The following SNHG17 variants were observed in gnomAD, a reference collection of about 807,000 sequenced individuals.
The protein encoded by SNHG17 is small nucleolar RNA host gene 17 (non-protein coding).
intron 5 of SNHG17, among the ~76,000 whole-genome samples, chr20:38,424,050 T>C (rs548564450): frequency 1.1e-4 from 16 of 152,026 alleles, no homozygotes; most frequent in African/African-American, 3.9e-4. Context: ...TGCACATCTT[T>C]AATCCCAGCT....
Position 38,426,887 on chromosome 20 carries a change from A to C in SNHG17, n.381-384T>G, listed in dbSNP as rs1478001936. 1.3e-5 allele frequency among the ~76,000 whole-genome samples: 2 copies of C among 150,352 alleles called. 1 individual carries two copies. The highest frequency in any genetic ancestry group is 1.3e-4 in the Admixed American group (2 of 15,004). On this transcript the variant is annotated intron_variant and non_coding_transcript_variant, in intron 3 of 8. Coordinates refer to ENST00000654008, the Ensembl canonical transcript of SNHG17. ...AACCCGGCTGTGCTCCCCTTGCAGC[A>C]ATGAGCACTTTCTCTTTCTTACGAC...
intron 5 of SNHG17, among the ~76,000 whole-genome samples, chr20:38,425,537 C>T (rs2084232113): frequency 6.6e-6 from 1 of 152,170 alleles, no homozygotes. Flanking sequence ...CATGTTAAGC[C>T]AGATTGCTGG....
At chr20:38,423,285 T>C (rs752725551) in intron 5 of SNHG17, among the ~76,000 whole-genome samples, 30 of 150,514 alleles carry the variant, frequency 2.0e-4, no homozygotes, top group Admixed American at 4.0e-4. Flanking sequence ...CAGTCCCAGC[T>C]ACTCAGGGAA....
intron 2 of SNHG17, among the ~76,000 whole-genome samples, chr20:38,431,520 CA>C (rs1197145345): frequency 6.6e-6 from 1 of 152,202 alleles, no homozygotes; most frequent in East Asian, 1.9e-4. Flanking sequence ...TCTTGTCCCA[CA>C]TAAACGGAAC....
chr20:38,435,303 A>AGGACGGCGAG (rs1231059417), exon 1 of SNHG17: 9 of 1,231,420 alleles, frequency 7.3e-6, no homozygotes, highest in African/African-American at 6.2e-5. Flanking sequence ...GCGATGGCGA[A>AGGACGGCGAG]GGACGGCGAG....
chr20:38,433,073 A>T (rs2084363745), intron 2 of SNHG17, among the ~76,000 whole-genome samples: 1 of 152,082 alleles, frequency 6.6e-6, no homozygotes, highest in Admixed American at 6.5e-5. Context: ...CCCAGGTTCA[A>T]GCGATTCTGG....
At chr20:38,435,220 G>A (rs919783697) in exon 1 of SNHG17, 4 of 1,232,002 alleles carry the variant, frequency 3.2e-6, no homozygotes, top group Non-Finnish European at 3.0e-6. Flanking sequence ...GTCGAGTGGC[G>A]GCGGAGACCT....
chr20:38,425,222 A>C (rs563747895), intron 5 of SNHG17: 2 of 519,174 alleles, frequency 3.9e-6, no homozygotes, highest in South Asian at 2.8e-5. Flanking sequence ...AGAGTTTGGA[A>C]GGGATAGGAG....
chr20:38,428,269 CAGA>C (rs1291835613), intron 3 of SNHG17: 1 of 152,364 alleles, frequency 6.6e-6, no homozygotes, highest in Admixed American at 6.5e-5. Context: ...CCTGAAGGCA[CAGA>C]AGGAGGGGCC....
chr20:38,424,698 G>T (rs1048394772), intron 5 of SNHG17, among the ~76,000 whole-genome samples: 1 of 152,206 alleles, frequency 6.6e-6, no homozygotes, highest in Non-Finnish European at 1.5e-5. Flanking sequence ...CCAGTGCTGA[G>T]AGGTGGGAAG....
chr20:38,424,678 G>A lies in SNHG17; in HGVS notation n.579+1257C>T, dbSNP rs148298455. On this transcript the variant is annotated intron_variant and non_coding_transcript_variant, in intron 5 of 8. Coordinates refer to ENST00000654008, the Ensembl canonical transcript of SNHG17. ...AGGAGAAGCAAACCAACAATTCCCA[G>A]ACAGTGTGACCAGTGCTGAGAGGTG... is the stretch of plus-strand genomic sequence containing the variant. Among the ~76,000 whole-genome samples, 433 of 152,290 alleles carry A rather than the reference G, an allele frequency of 2.8e-3. 2 individuals are homozygous for A. Among genetic ancestry groups the A allele is most frequent in the African/African-American group, 1.0e-2 (414 of 41,554 alleles).
rs6025546 is a variant in SNHG17 at position 38,422,594 on chromosome 20, A to G, written n.580-353T>C. ...CAGTATACATTACATAGACCCAGCTATCCCTCTTCTGGACACATACTCAAT... is the reference window on the plus strand; with the variant it reads ...CAGTATACATTACATAGACCCAGCTGTCCCTCTTCTGGACACATACTCAAT... On this transcript the variant is annotated intron_variant and non_coding_transcript_variant, in intron 5 of 8. Transcript: ENST00000654008. Among the ~76,000 whole-genome samples, 941 of 152,228 alleles carry G rather than the reference A, an allele frequency of 6.2e-3. 7 individuals are homozygous for G. The highest frequency in any genetic ancestry group is 0.022 in the African/African-American group (893 of 41,526).
chr20:38,425,465 C>T (rs2084230727), intron 5 of SNHG17: 1 of 401,654 alleles, frequency 2.5e-6, no homozygotes, highest in Admixed American at 2.9e-5. Flanking sequence ...TTCTGATTCC[C>T]AAAGATTTCT....
At chr20:38,435,313 G>T in exon 1 of SNHG17, 2 of 1,231,420 alleles carry the variant, frequency 1.6e-6, no homozygotes, top group Non-Finnish European at 2.0e-6. Context: ...AGGACGGCGA[G>T]GGACGGCGAA....
At chr20:38,429,682 C>T (rs2084309363) in intron 3 of SNHG17, 1 of 498,692 alleles carries the variant, frequency 2.0e-6, no homozygotes, top group Non-Finnish European at 4.0e-6. Context: ...TGGGAAAGCT[C>T]CAGGGTTTGG....
intron 3 of SNHG17, chr20:38,428,685 G>C (rs2084288437): frequency 6.6e-6 from 1 of 152,266 alleles, no homozygotes; most frequent in Non-Finnish European, 1.5e-5. Context: ...AGGATGCTGG[G>C]GCCATGATGA....
At chr20:38,434,028 C>T (rs751894208) in intron 2 of SNHG17, 4 of 516,146 alleles carry the variant, frequency 7.7e-6, no homozygotes, top group South Asian at 1.4e-5. Flanking sequence ...CCCACGTCAG[C>T]GTGTTAGCTG....
At chr20:38,425,288 A>G (rs1173964360) in intron 5 of SNHG17, 5 of 519,080 alleles carry the variant, frequency 9.6e-6, no homozygotes, top group African/African-American at 5.8e-5. Flanking sequence ...TGCACTATCA[A>G]TGACCAGGGC....
intron 4 of SNHG17, chr20:38,426,352 C>T (rs557544430): frequency 1.2e-4 from 18 of 152,456 alleles, no homozygotes; most frequent in African/African-American, 4.1e-4. Context: ...CTCTAGTGAC[C>T]TCAAAGCCTT....
Sources: gnomAD v4.1 joint callset for allele counts (sites outside exome capture counted in the v4.1 genomes callset) on GRCh38, gnomAD v4.1.1 for gene constraint, MANE v1.5 for transcripts, NCBI Gene and HGNC (gene_info 2026-07-23, HGNC 2026-07-21) for gene names.